EXOC2: variants seen among roughly 807,000 people sequenced by gnomAD.
EXOC2 encodes the protein exocyst complex component 2, also known as SEC5-like 1.
A neutral mutation model predicts 131.8 loss-of-function variants in EXOC2; 70 were observed. The observed-to-expected ratio is 0.53, with a 90% confidence interval of 0.44 to 0.65. The LOEUF is 0.65. EXOC2 is among the 30% of genes least tolerant of loss of function. The probability of loss-of-function intolerance (pLI) is 0.00; values close to 1 mark genes in which losing one functional copy is unlikely to be tolerated. For synonymous variants in EXOC2, 411 were observed against 398.4 expected (o/e 1.03, Z -0.38); for missense variants, 923 against 1,108.6 (o/e 0.83, Z 2.38).
intron 23 of EXOC2, among the ~76,000 whole-genome samples, chr6:523,619 T>C (rs1162578320): frequency 6.6e-6 from 1 of 152,242 alleles, no homozygotes; most frequent in Non-Finnish European, 1.5e-5. Context: ...TTAGACTAAG[T>C]TTAAACAGGG....
intron 1 of EXOC2, among the ~76,000 whole-genome samples, chr6:676,108 G>A (rs200231895): frequency 9.6e-4 from 55 of 57,140 alleles, no homozygotes; most frequent in East Asian, 3.0e-3. Flanking sequence ...TCAACATTAC[G>A]GAAAGGACAG....
intron 7 of EXOC2, among the ~76,000 whole-genome samples, chr6:606,323 G>A (rs192273530): frequency 2.0e-5 from 3 of 152,156 alleles, no homozygotes; most frequent in East Asian, 1.9e-4. Context: ...TGTAAATGAC[G>A]AGTTAATGGG....
chr6:635,346 CAAT>C (rs977120048), intron 2 of EXOC2, among the ~76,000 whole-genome samples: 87 of 152,320 alleles, frequency 5.7e-4, no homozygotes, highest in African/African-American at 2.0e-3. Flanking sequence ...GCCCCTAGAA[CAAT>C]AGCTTATTCA....
At chr6:511,920 C>T (rs1223366468) in intron 23 of EXOC2, among the ~76,000 whole-genome samples, 1 of 152,250 alleles carries the variant, frequency 6.6e-6, no homozygotes, top group East Asian at 1.9e-4. Context: ...TCTGTTGCTT[C>T]GTGCCTGGTA....
At chr6:497,282 C>G (rs1256796000) in intron 25 of EXOC2, 85 bp downstream of exon 25, 3 of 1,272,448 alleles carry the variant, frequency 2.4e-6, no homozygotes, top group African/African-American at 3.0e-5. Context: ...AGAAGCCTGT[C>G]ATATCATAAG....
rs1309052693 is a variant in EXOC2, at chr6:644,151, A to G, written c.-43-6290T>C. Among the ~76,000 whole-genome samples, 5 of 152,290 alleles carry G rather than the reference A, an allele frequency of 3.3e-5. No homozygotes were observed. In the East Asian group the frequency reaches 9.6e-4, roughly 29 times the overall value. The stretch of plus-strand genomic sequence containing the variant: ...ATTTCAAAAAGCAAAAGAGGAATAC[A>G]TCATGATCAAGTAGGGTTTATTCCA... On this transcript the variant is annotated intron_variant, in intron 1 of 27. Transcript: ENST00000230449.
At chr6:628,124 C>T (rs929824392) in intron 4 of EXOC2, among the ~76,000 whole-genome samples, 1 of 152,260 alleles carries the variant, frequency 6.6e-6, no homozygotes, top group African/African-American at 2.4e-5. Flanking sequence ...CCTGATTCCT[C>T]GCATCGACCC....
intron 1 of EXOC2, among the ~76,000 whole-genome samples, chr6:685,233 T>C (rs1379598202): frequency 6.6e-6 from 1 of 152,018 alleles, no homozygotes; most frequent in African/African-American, 2.4e-5. Flanking sequence ...TCAAGCAGAA[T>C]CTCAGTAGCC....
At chr6:671,809 T>TG (rs1763886102) in intron 1 of EXOC2, among the ~76,000 whole-genome samples, 1 of 152,178 alleles carries the variant, frequency 6.6e-6, no homozygotes, top group Non-Finnish European at 1.5e-5. Context: ...TTATGTAAGG[T>TG]GTCCATCTCA....
chr6:628,919 G>C (rs552870210), intron 4 of EXOC2, among the ~76,000 whole-genome samples: 2 of 152,266 alleles, frequency 1.3e-5, no homozygotes, highest in South Asian at 4.1e-4. Context: ...ATGTTACCTA[G>C]AACAGTCAAA....
rs1764579711 is a variant in EXOC2, at chr6:685,039, CAGGCCACGGA to C, written c.-44+7970_-44+7979del. ...GAAGACTAGGATAACCTCTACTCAACAGGCCACGGAAGGCCTCATGATGTGAAAACACTAT... is the reference window on the plus strand; with the variant it reads ...GAAGACTAGGATAACCTCTACTCAACAGGCCTCATGATGTGAAAACACTAT... On this transcript the variant is annotated intron_variant, in intron 1 of 27. Transcript: ENST00000230449. 2.0e-5 allele frequency among the ~76,000 whole-genome samples: 3 copies of C among 152,222 alleles called. No individual in the cohort carries two copies. The South Asian group carries it at 6.2e-4, about 32-fold the overall frequency.
At chr6:564,461 C>T (rs1387080461) in intron 15 of EXOC2, 84 bp downstream of exon 15, 2 of 1,535,450 alleles carry the variant, frequency 1.3e-6, no homozygotes, top group Non-Finnish European at 1.8e-6. Flanking sequence ...AGAAGAATTT[C>T]TTCTTCACTG....
chr6:692,515 G>T (rs930873913), intron 1 of EXOC2, among the ~76,000 whole-genome samples: 6 of 152,244 alleles, frequency 3.9e-5, no homozygotes, highest in African/African-American at 1.4e-4. Flanking sequence ...ACATACACCC[G>T]CGCGAGGATC....
At chr6:514,151 G>A (rs1311507967) in intron 23 of EXOC2, among the ~76,000 whole-genome samples, 1 of 152,180 alleles carries the variant, frequency 6.6e-6, no homozygotes, top group Non-Finnish European at 1.5e-5. Context: ...GGTCTTCTCT[G>A]CCTCTTCCAG....
intron 23 of EXOC2, among the ~76,000 whole-genome samples, chr6:530,419 G>A (rs1229464895): frequency 6.6e-6 from 1 of 152,248 alleles, no homozygotes; most frequent in African/African-American, 2.4e-5. Context: ...ACGGCCTTGT[G>A]CTGAGACTGT....
At chr6:497,915 G>A (rs1239705777) in intron 24 of EXOC2, among the ~76,000 whole-genome samples, 1 of 152,102 alleles carries the variant, frequency 6.6e-6, no homozygotes, top group Admixed American at 6.5e-5. Context: ...TTTCATATGG[G>A]GTACCCCATT....
rs1438624106 is a variant in EXOC2 at position 657,835 on chromosome 6, TGA to T, written c.-43-19976_-43-19975del. Among the ~76,000 whole-genome samples, 4 of 152,140 alleles carry T rather than the reference TGA, an allele frequency of 2.6e-5. No homozygotes were observed. In the East Asian group the frequency reaches 7.7e-4, roughly 29 times the overall value. On this transcript the variant is annotated intron_variant, in intron 1 of 27. Transcript: ENST00000230449. ...TCTTATGCCCTTTGCATCTTTTTAC[TGA>T]GTTTATTTTTCTTGATTTTAAGATA...
intron 7 of EXOC2, 90 bp from the exon 8 acceptor site, chr6:599,315 T>C: frequency 8.3e-7 from 1 of 1,205,382 alleles, no homozygotes; most frequent in Non-Finnish European, 1.1e-6. Flanking sequence ...ATGTTAATAC[T>C]GCTATTGTAG....
intron 19 of EXOC2, 80 bp from the exon 20 acceptor site, chr6:555,368 T>C (rs1236730965): frequency 1.3e-5 from 11 of 876,426 alleles, no homozygotes; most frequent in Middle Eastern, 2.4e-4. Context: ...AAAGATAACT[T>C]TACATAAAGT....
Sources: gnomAD v4.1 joint callset for allele counts (sites outside exome capture counted in the v4.1 genomes callset) on GRCh38, gnomAD v4.1.1 for gene constraint, MANE v1.5 for transcripts, NCBI Gene and HGNC (gene_info 2026-07-23, HGNC 2026-07-21) for gene names.